The following GSK3B variants were observed in gnomAD, a reference collection of about 807,000 sequenced individuals.
GSK3B encodes glycogen synthase kinase-3 beta.
Under a neutral mutation model 56.4 loss-of-function variants are expected in GSK3B, and 15 were observed. The observed-to-expected ratio is 0.27, with a 90% CI of 0.18 to 0.41. GSK3B has a LOEUF of 0.41. Ranked by LOEUF, GSK3B falls within the 10% of genes least tolerant of loss-of-function variation. The pLI, the probability that GSK3B is intolerant of heterozygous loss-of-function variation, is 1.00. For missense variants in GSK3B, 300 were observed against 513.4 expected (o/e 0.58, Z 4.02); for synonymous variants, 181 against 188.9 (o/e 0.96, Z 0.34).
At chr3:119,853,135 T>C (rs2055962669) in intron 9 of GSK3B, among the ~76,000 whole-genome samples, 1 of 152,254 alleles carries the variant, frequency 6.6e-6, no homozygotes, top group South Asian at 2.1e-4. Context: ...TTCAGCTTTC[T>C]ACATATGGCT....
intron 2 of GSK3B, among the ~76,000 whole-genome samples, chr3:120,000,397 G>T (rs891150229): frequency 6.6e-6 from 1 of 152,154 alleles, no homozygotes; most frequent in Non-Finnish European, 1.5e-5. Context: ...TAGTACTTGG[G>T]GGAGAGGTGA....
intron 7 of GSK3B, among the ~76,000 whole-genome samples, chr3:119,899,778 T>G (rs1238216664): frequency 6.6e-6 from 1 of 152,064 alleles, no homozygotes; most frequent in African/African-American, 2.4e-5. Flanking sequence ...CAACATCACA[T>G]AGTAGTAAAA....
chr3:120,055,707 T>C (rs192993130), intron 1 of GSK3B, among the ~76,000 whole-genome samples: 10 of 152,234 alleles, frequency 6.6e-5, no homozygotes, highest in Admixed American at 5.9e-4. Flanking sequence ...CAGTAACAAC[T>C]GGGAAAAAGC....
At chr3:119,910,309 C>A (rs1029896566) in intron 6 of GSK3B, among the ~76,000 whole-genome samples, 1 of 152,126 alleles carries the variant, frequency 6.6e-6, no homozygotes, top group East Asian at 1.9e-4. Flanking sequence ...TGTTGCAGAA[C>A]TGGTTCCAGA....
chr3:119,969,057 G>A (rs1284641819), intron 2 of GSK3B, among the ~76,000 whole-genome samples: 3 of 151,970 alleles, frequency 2.0e-5, no homozygotes, highest in South Asian at 2.1e-4. Context: ...TTGGGGAGGC[G>A]GAGGTGGGTG....
intron 1 of GSK3B, among the ~76,000 whole-genome samples, chr3:120,035,605 T>G (rs958563725): frequency 1.3e-5 from 2 of 152,264 alleles, no homozygotes; most frequent in Admixed American, 1.3e-4. Context: ...GTCTTCCAAT[T>G]CATGAACATA....
intron 7 of GSK3B, among the ~76,000 whole-genome samples, chr3:119,883,527 T>C (rs1454328076): frequency 2.6e-5 from 4 of 152,102 alleles, no homozygotes; most frequent in African/African-American, 9.7e-5. Context: ...ACAGTAAATA[T>C]TTAAGGCTTG....
intron 1 of GSK3B, among the ~76,000 whole-genome samples, chr3:120,047,781 A>G (rs749002425): frequency 7.9e-5 from 12 of 152,228 alleles, no homozygotes; most frequent in African/African-American, 2.2e-4. Flanking sequence ...ACAAAGCAAC[A>G]TAACTGGTAG....
rs1249899079 is a variant in GSK3B, at chr3:119,993,529, C to T, written c.282+8517G>A. On this transcript the variant is annotated intron_variant, in intron 2 of 10. Coordinates refer to ENST00000264235, the MANE Select transcript of GSK3B (RefSeq NM_001146156.2). ...TGCCTTTCAAGCTAAAGATAAAAAA[C>T]ATAAACAGTGAACTCTTAGTAAGTC... Among the ~76,000 whole-genome samples, 3 of 151,908 alleles carry T rather than the reference C, an allele frequency of 2.0e-5. No individual in the cohort carries two copies. The East Asian group carries it at 5.8e-4, about 29-fold the overall frequency.
At chr3:119,963,678 A>C (rs1471405607) in intron 2 of GSK3B, among the ~76,000 whole-genome samples, 1 of 151,664 alleles carries the variant, frequency 6.6e-6, no homozygotes, top group Non-Finnish European at 1.5e-5. Flanking sequence ...GAAAAAGAAA[A>C]AAAACACATG....
chr3:119,876,794 T>C (rs574962517), intron 7 of GSK3B, among the ~76,000 whole-genome samples: 1 of 152,252 alleles, frequency 6.6e-6, no homozygotes, highest in East Asian at 1.9e-4. Context: ...AGCAGGATTG[T>C]TATTTCAAGA....
rs940244202 is a variant in GSK3B, at chr3:119,825,474, G to C, written c.*1314C>G. 4.4e-6 allele frequency: 1 copy of C among 226,074 alleles called. No homozygotes were observed. The highest frequency in any genetic ancestry group is 8.7e-6 in the Non-Finnish European group (1 of 114,644). 14.0% of individuals were successfully genotyped at this position (226,074 alleles called of 1,614,324 possible). Reference sequence around the variant, plus strand: ...TCAACCAGTCAATTTTGATACTGTAGACAAAAAAAAAGGCAGTATTGAATA... The same window carrying C: ...TCAACCAGTCAATTTTGATACTGTACACAAAAAAAAAGGCAGTATTGAATA... On this transcript the variant is annotated 3_prime_UTR_variant, in exon 11 of 11. Transcript: ENST00000264235.
intron 6 of GSK3B, among the ~76,000 whole-genome samples, chr3:119,911,138 T>C (rs1210980202): frequency 2.6e-5 from 4 of 152,168 alleles, no homozygotes; most frequent in African/African-American, 7.2e-5. Context: ...GATTTAAAAT[T>C]GACTTTGCCC....
intron 1 of GSK3B, chr3:120,041,428 C>T (rs751294244): frequency 1.5e-5 from 4 of 269,390 alleles, no homozygotes; most frequent in Non-Finnish European, 2.4e-5. Flanking sequence ...CCCATGGAAA[C>T]ACATATCATG....
At chr3:119,845,762 C>T (rs1294928579) in intron 9 of GSK3B, among the ~76,000 whole-genome samples, 7 of 152,140 alleles carry the variant, frequency 4.6e-5, no homozygotes, top group Non-Finnish European at 7.4e-5. Context: ...TTATTCAATG[C>T]TATTCCCATC....
At chr3:119,923,000 A>T (rs780674870) in intron 4 of GSK3B, among the ~76,000 whole-genome samples, 13 of 152,196 alleles carry the variant, frequency 8.5e-5, no homozygotes, top group Non-Finnish European at 1.6e-4. Flanking sequence ...GAACAAATGA[A>T]TTTGAACATA....
intron 1 of GSK3B, among the ~76,000 whole-genome samples, chr3:120,025,892 G>A (rs920038024): frequency 6.6e-6 from 1 of 152,154 alleles, no homozygotes; most frequent in East Asian, 1.9e-4. Flanking sequence ...GTCAAGCAAT[G>A]TCCTTTTTAG....
intron 2 of GSK3B, among the ~76,000 whole-genome samples, chr3:119,952,375 C>T (rs920720858): frequency 2.6e-5 from 4 of 151,352 alleles, no homozygotes; most frequent in East Asian, 1.9e-4. Context: ...GTAATCCCAG[C>T]GACTCGGGAG....
rs573939325 is a variant in GSK3B at position 119,889,308 on chromosome 3, AAT to A, written c.814-12802_814-12801del. 3.9e-5 allele frequency among the ~76,000 whole-genome samples: 6 copies of A among 152,304 alleles called. No homozygotes were observed. In the South Asian group the frequency reaches 1.2e-3, roughly 32 times the overall value. On this transcript the variant is annotated intron_variant, in intron 7 of 10. Transcript: ENST00000264235. Reference sequence around the variant, plus strand: ...TCTCAGCCAGCCGACACTCATGGAAAATAGAAAAAACCTATGTTGAAATATTA... The same window carrying A: ...TCTCAGCCAGCCGACACTCATGGAAAAGAAAAAACCTATGTTGAAATATTA...
Sources: allele counts gnomAD v4.1 joint callset (sites outside exome capture counted in the v4.1 genomes callset), GRCh38; gene constraint gnomAD v4.1.1; transcripts MANE v1.5; gene names NCBI Gene and HGNC (gene_info 2026-07-23, HGNC 2026-07-21).